FTO: variants seen among roughly 807,000 people sequenced by gnomAD.
FTO encodes FTO alpha-ketoglutarate dependent dioxygenase.
A neutral mutation model predicts 63.9 loss-of-function variants in FTO; 47 were observed. That is an observed-to-expected ratio of 0.74 (90% confidence interval 0.58 to 0.94). The LOEUF is 0.94. Ranked by LOEUF, FTO falls within the 40% of genes least tolerant of loss-of-function variation. The pLI, the probability that FTO is intolerant of heterozygous loss-of-function variation, is 0.00. For missense variants in FTO, 562 were observed against 618.1 expected (o/e 0.91, Z 0.96); for synonymous variants, 207 against 224.4 (o/e 0.92, Z 0.69).
intron 8 of FTO, among the ~76,000 whole-genome samples, chr16:53,944,848 C>T (rs1035278624): frequency 3.3e-5 from 5 of 152,194 alleles, no homozygotes; most frequent in African/African-American, 9.6e-5. Context: ...GGAATAAACC[C>T]AGCCACCCTT....
intron 8 of FTO, among the ~76,000 whole-genome samples, chr16:54,082,702 G>C (rs550949763): frequency 6.6e-6 from 1 of 152,244 alleles, no homozygotes; most frequent in South Asian, 2.1e-4. Context: ...CAGTTTTCAT[G>C]GTAAGCAAAC....
intron 2 of FTO, among the ~76,000 whole-genome samples, chr16:53,812,664 TA>T (rs1317743803): frequency 1.3e-5 from 2 of 152,248 alleles, no homozygotes; most frequent in South Asian, 2.1e-4. Flanking sequence ...TTATATATAA[TA>T]ATAATGAGTT....
At chr16:54,031,612 C>A (rs2084834474) in intron 8 of FTO, among the ~76,000 whole-genome samples, 1 of 152,066 alleles carries the variant, frequency 6.6e-6, no homozygotes, top group African/African-American at 2.4e-5. Context: ...AATGCAAAGT[C>A]TGAAAAATAC....
At chr16:53,874,271 C>G (rs996618931) in intron 5 of FTO, among the ~76,000 whole-genome samples, 1 of 152,152 alleles carries the variant, frequency 6.6e-6, no homozygotes, top group Admixed American at 6.5e-5. Context: ...TTTCCCTTAA[C>G]TTTTTGGTCA....
At chr16:53,735,111 A>T (rs2076361062) in intron 1 of FTO, among the ~76,000 whole-genome samples, 8 of 152,252 alleles carry the variant, frequency 5.3e-5, no homozygotes, top group Admixed American at 5.2e-4. Flanking sequence ...GGCTTCTGCC[A>T]TACTCAATTA....
intron 4 of FTO, among the ~76,000 whole-genome samples, chr16:53,869,949 C>A (rs2080448585): frequency 6.6e-6 from 1 of 152,054 alleles, no homozygotes; most frequent in Admixed American, 6.6e-5. Context: ...ATGGGATGCA[C>A]TGGATAAGAG....
intron 8 of FTO, among the ~76,000 whole-genome samples, chr16:54,006,077 T>G (rs2084195758): frequency 6.6e-6 from 1 of 152,214 alleles, no homozygotes; most frequent in South Asian, 2.1e-4. Context: ...GGGTTAAAGT[T>G]AGCTTCTCTG....
chr16:53,962,937 T>C (rs955335945), intron 8 of FTO, among the ~76,000 whole-genome samples: 1 of 152,148 alleles, frequency 6.6e-6, no homozygotes, highest in African/African-American at 2.4e-5. Context: ...AGATTATGTA[T>C]AGAGTATCAA....
intron 8 of FTO, among the ~76,000 whole-genome samples, chr16:54,008,097 T>C (rs1272252426): frequency 6.6e-6 from 1 of 152,196 alleles, no homozygotes; most frequent in East Asian, 1.9e-4. Context: ...TTACAAGTTG[T>C]TGACAATTAA....
intron 3 of FTO, among the ~76,000 whole-genome samples, chr16:53,840,920 G>T (rs1567348579): frequency 1.3e-5 from 2 of 151,788 alleles, no homozygotes; most frequent in Non-Finnish European, 2.9e-5. Flanking sequence ...CCTTTTATCA[G>T]TTGGCAACTC....
At chr16:54,108,221 G>T (rs1376541554) in intron 8 of FTO, among the ~76,000 whole-genome samples, 1 of 152,180 alleles carries the variant, frequency 6.6e-6, no homozygotes, top group Non-Finnish European at 1.5e-5. Flanking sequence ...AGACTATGTA[G>T]AGTATTGTGT....
intron 8 of FTO, among the ~76,000 whole-genome samples, chr16:54,066,667 C>A (rs1567550481): frequency 6.6e-6 from 1 of 152,214 alleles, no homozygotes; most frequent in Non-Finnish European, 1.5e-5. Context: ...CCACCATTTG[C>A]TGACTCATGT....
At chr16:53,881,612 A>T (rs1439548746) in intron 6 of FTO, among the ~76,000 whole-genome samples, 1 of 152,220 alleles carries the variant, frequency 6.6e-6, no homozygotes, top group Non-Finnish European at 1.5e-5. Context: ...TGATGAAATC[A>T]GTTGCAATTC....
intron 8 of FTO, among the ~76,000 whole-genome samples, chr16:54,010,737 C>A (rs2084315470): frequency 6.6e-6 from 1 of 152,112 alleles, no homozygotes; most frequent in African/African-American, 2.4e-5. Flanking sequence ...ACAAAGATAA[C>A]CCTGTTCAAC....
intron 7 of FTO, among the ~76,000 whole-genome samples, chr16:53,915,161 C>T (rs564542074): frequency 6.6e-6 from 1 of 152,216 alleles, no homozygotes; most frequent in African/African-American, 2.4e-5. Context: ...TTCCTTTGAC[C>T]TGTGTTACTT....
chr16:53,972,949 A>G (rs2083361351), intron 8 of FTO, among the ~76,000 whole-genome samples: 1 of 152,246 alleles, frequency 6.6e-6, no homozygotes, highest in Non-Finnish European at 1.5e-5. Flanking sequence ...TTTCTAAAAA[A>G]GGAACATGCC....
At chr16:53,728,066 C>T (rs1282987239) in intron 1 of FTO, among the ~76,000 whole-genome samples, 1 of 152,000 alleles carries the variant, frequency 6.6e-6, no homozygotes, top group Non-Finnish European at 1.5e-5. Flanking sequence ...TAGTGAGACC[C>T]TGTCTCTACA....
chr16:53,721,711 T>A (rs1052415959), intron 1 of FTO, among the ~76,000 whole-genome samples: 6 of 152,152 alleles, frequency 3.9e-5, no homozygotes, highest in Admixed American at 1.3e-4. Flanking sequence ...AAATGCAGAG[T>A]GATAGTATTT....
intron 1 of FTO, among the ~76,000 whole-genome samples, chr16:53,798,192 G>A (rs937070817): frequency 2.0e-5 from 3 of 152,090 alleles, no homozygotes; most frequent in Non-Finnish European, 4.4e-5. Flanking sequence ...ATACAGCACT[G>A]TCTTGATTTC....
Sources: gnomAD v4.1 joint callset for allele counts (sites outside exome capture counted in the v4.1 genomes callset) on GRCh38, gnomAD v4.1.1 for gene constraint, MANE v1.5 for transcripts, NCBI Gene and HGNC (gene_info 2026-07-23, HGNC 2026-07-21) for gene names.